The following TBL1XR1 variants were observed in gnomAD, a reference collection of about 807,000 sequenced individuals.
The protein encoded by TBL1XR1 is TBL1X/Y related 1.
Under a neutral mutation model 66.9 loss-of-function variants are expected in TBL1XR1, and 5 were observed. That is an observed-to-expected ratio of 0.07 (90% CI 0.04 to 0.16). TBL1XR1 has a LOEUF of 0.16. Ranked by LOEUF, TBL1XR1 falls within the 10% of genes least tolerant of loss-of-function variation. The probability of loss-of-function intolerance (pLI) is 1.00; values close to 1 mark genes in which losing one functional copy is unlikely to be tolerated. For missense variants in TBL1XR1, 238 were observed against 623.2 expected, an observed-to-expected ratio of 0.38 and a Z score of 6.58; for synonymous variants, 210 against 206.0, an observed-to-expected ratio of 1.02 and a Z score of -0.17.
In TBL1XR1 at chr3:177,024,713, G is replaced by GAAAAAAAAAAAAAAAAAAAAACAAAAAAA. The variant is rs148659524; in HGVS notation, c.*784_*785insTTTTTTTGTTTTTTTTTTTTTTTTTTTTT. The GAAAAAAAAAAAAAAAAAAAAACAAAAAAA allele has an allele frequency of 1.2e-5, 1 of 85,376 alleles. No individual in the cohort carries two copies. The highest frequency in any genetic ancestry group is 2.5e-5 in the Non-Finnish European group (1 of 39,968). 5.3% of individuals were successfully genotyped at this position (85,376 alleles called of 1,614,324 possible). On this transcript the variant is annotated 3_prime_UTR_variant, in exon 16 of 16. Coordinates refer to ENST00000457928, the MANE Select transcript of TBL1XR1 (RefSeq NM_024665.7). ...AGCCACATCACCAAAAAACAAAAAAGAAAAAAAAAAAAAAAAAGCAAAACA... is the reference window on the plus strand; with the variant it reads ...AGCCACATCACCAAAAAACAAAAAAGAAAAAAAAAAAAAAAAAAAAACAAAAAAAAAAAAAAAAAAAAAAAAGCAAAACA...
intron 1 of TBL1XR1, among the ~76,000 whole-genome samples, chr3:177,125,122 A>C (rs1727455078): frequency 6.6e-6 from 1 of 152,172 alleles, no homozygotes; most frequent in African/African-American, 2.4e-5. Context: ...AACATCAAGA[A>C]AGTGAAAACC....
intron 2 of TBL1XR1, among the ~76,000 whole-genome samples, chr3:177,070,272 C>T (rs1719795979): frequency 6.6e-6 from 1 of 152,118 alleles, no homozygotes; most frequent in Admixed American, 6.5e-5. Context: ...CTTCAACTTC[C>T]TAAATGTATA....
rs148822835 is a variant in TBL1XR1, at chr3:177,059,656, CAA to C, written c.58+5262_58+5263del. Among the ~76,000 whole-genome samples, 330 of 152,186 alleles carry C rather than the reference CAA, an allele frequency of 2.2e-3. 1 individual carries two copies. The highest frequency in any genetic ancestry group is 7.6e-3 in the African/African-American group (316 of 41,518). The stretch of plus-strand genomic sequence containing the variant: ...AGAGATAAGGAGATCCTTCATAAAC[CAA>C]ACTCTTGAAGCCTACATGTATTATC... On this transcript the variant is annotated intron_variant, in intron 3 of 15. Coordinates refer to ENST00000457928, the MANE Select transcript of TBL1XR1 (RefSeq NM_024665.7).
intron 1 of TBL1XR1, among the ~76,000 whole-genome samples, chr3:177,146,640 C>T (rs2108838107): frequency 7.1e-6 from 1 of 140,256 alleles, no homozygotes; most frequent in East Asian, 2.3e-4. Flanking sequence ...CCAAGATCAT[C>T]AGAAAAATTC....
intron 4 of TBL1XR1, among the ~76,000 whole-genome samples, chr3:177,053,018 C>T (rs1001868465): frequency 9.2e-5 from 14 of 152,200 alleles, no homozygotes; most frequent in African/African-American, 3.1e-4. Context: ...AGGACAATCG[C>T]TTGAACCCAG....
At chr3:177,160,585 ATTAC>A (rs1295652854) in intron 1 of TBL1XR1, among the ~76,000 whole-genome samples, 1 of 152,058 alleles carries the variant, frequency 6.6e-6, no homozygotes, top group African/African-American at 2.4e-5. Context: ...TCCAGGATAT[ATTAC>A]TTGCACTGGG....
At chr3:177,112,107 A>ATTTTTTTTTTTTT (rs71170852) in intron 1 of TBL1XR1, among the ~76,000 whole-genome samples, 6 of 37,652 alleles carry the variant, frequency 1.6e-4, no homozygotes, top group Non-Finnish European at 2.7e-4. Context: ...ATATATATAT[A>ATTTTTTTTTTTTT]TTTTTTTTTT....
At chr3:177,186,576 G>A (rs1024313081) in intron 1 of TBL1XR1, among the ~76,000 whole-genome samples, 2 of 152,122 alleles carry the variant, frequency 1.3e-5, no homozygotes, top group Non-Finnish European at 2.9e-5. Flanking sequence ...ATTAAAGGAA[G>A]AGAATAAAAC....
chr3:177,133,420 G>A (rs115379484), intron 1 of TBL1XR1, among the ~76,000 whole-genome samples: 3,392 of 152,250 alleles, frequency 0.022, 148 homozygotes, highest in African/African-American at 0.078. Context: ...ATTGCACATT[G>A]CATCAAAGTT....
intron 10 of TBL1XR1, among the ~76,000 whole-genome samples, chr3:177,043,475 G>C (rs1431834530): frequency 6.6e-6 from 1 of 152,056 alleles, no homozygotes. Context: ...AGCCATTTCA[G>C]CTGTCTCTTG....
chr3:177,048,193 C>G (rs1716579175), intron 7 of TBL1XR1, among the ~76,000 whole-genome samples: 1 of 152,108 alleles, frequency 6.6e-6, no homozygotes, highest in African/African-American at 2.4e-5. Context: ...GCCTACTTTA[C>G]CAGGAGGAAA....
rs150960490 is a variant in TBL1XR1 at position 177,175,892 on chromosome 3, A to G, written c.-122+21229T>C. ...ACTAACACGGTGAAACCCCATCTCT[A>G]CTAAAAATACAAAAATTAGCCGGGC... is the stretch of plus-strand genomic sequence containing the variant. On this transcript the variant is annotated intron_variant, in intron 1 of 15. Transcript: ENST00000457928. Among the ~76,000 whole-genome samples, 1,077 of 151,840 alleles carry G rather than the reference A, an allele frequency of 7.1e-3. 18 individuals are homozygous for G. Among genetic ancestry groups the G allele is most frequent in the African/African-American group, 0.024 (1,013 of 41,406 alleles).
At chr3:177,073,200 T>C (rs1176953075) in intron 2 of TBL1XR1, among the ~76,000 whole-genome samples, 2 of 152,210 alleles carry the variant, frequency 1.3e-5, no homozygotes, top group Non-Finnish European at 2.9e-5. Flanking sequence ...TGTAACAAGA[T>C]CCTAAGACCA....
intron 1 of TBL1XR1, among the ~76,000 whole-genome samples, chr3:177,159,938 TACC>T (rs1328847873): frequency 1.8e-4 from 28 of 152,252 alleles, no homozygotes; most frequent in African/African-American, 3.1e-4. Flanking sequence ...AGGTCGTTAA[TACC>T]ACCACATTAA....
At position 177,053,818 on chromosome 3, in the gene TBL1XR1, G is replaced by A. The variant is rs1331072894; in HGVS notation, c.159C>T (p.Ile53=). Residue 53 remains isoleucine (I), a synonymous_variant, in exon 4 of 16, where the codon ATC becomes ATT. Transcript: ENST00000457928. ...CTTCTACATACTGTAGACCTTTCTG[G>A]ATGATAGAAATCAATGCAGCGGGTG... is the stretch of plus-strand genomic sequence containing the variant. ...LVPPAALISI[I]QKGLQYVEAE... 1.2e-6 allele frequency: 2 copies of A among 1,613,180 alleles called. No homozygotes were observed. Among genetic ancestry groups the A allele is most frequent in the African/African-American group, 1.3e-5 (1 of 74,862 alleles).
At chr3:177,054,073 T>TGTGTGTGTGTGCGC (rs145838308) in intron 3 of TBL1XR1, among the ~76,000 whole-genome samples, 155 bp from the exon 4 acceptor site, 23 of 124,914 alleles carry the variant, frequency 1.8e-4, no homozygotes, top group African/African-American at 6.7e-4. Context: ...TGTGTGTGTG[T>TGTGTGTGTGTGCGC]GCGCGCGCGT....
At chr3:177,135,667 C>A (rs958439241) in intron 1 of TBL1XR1, among the ~76,000 whole-genome samples, 1 of 151,956 alleles carries the variant, frequency 6.6e-6, no homozygotes, top group Non-Finnish European at 1.5e-5. Flanking sequence ...CAGGCGTGAG[C>A]CACCGCACCT....
chr3:177,073,592 T>A (rs1720317061), intron 2 of TBL1XR1, among the ~76,000 whole-genome samples: 1 of 152,220 alleles, frequency 6.6e-6, no homozygotes, highest in African/African-American at 2.4e-5. Flanking sequence ...TTAGTTTTTC[T>A]ATCATGCATG....
chr3:177,139,450 G>A (rs917595336), intron 1 of TBL1XR1, among the ~76,000 whole-genome samples: 3 of 151,826 alleles, frequency 2.0e-5, no homozygotes, highest in Non-Finnish European at 2.9e-5. Flanking sequence ...CAGGAGAATC[G>A]CTTGAACTCA....
Sources: allele counts gnomAD v4.1 joint callset (sites outside exome capture counted in the v4.1 genomes callset), GRCh38; gene constraint gnomAD v4.1.1; transcripts MANE v1.5; gene names NCBI Gene and HGNC (gene_info 2026-07-23, HGNC 2026-07-21).